FGF10: variants seen among roughly 807,000 people sequenced by gnomAD.
The protein encoded by FGF10 is FGF-10.
In FGF10, 2 loss-of-function variants were observed where a neutral mutation model predicts 19.8. The observed-to-expected ratio is 0.10, with a 90% confidence interval of 0.04 to 0.32. The LOEUF (loss-of-function observed/expected upper bound fraction) is 0.32, where lower values mean the gene tolerates loss of function less well. Ranked by LOEUF, FGF10 falls within the 10% of genes least tolerant of loss-of-function variation. The pLI is 1.00. For missense variants in FGF10, 191 were observed against 246.3 expected (o/e 0.78, Z 1.50); for synonymous variants, 112 against 94.0 (o/e 1.19, Z -1.10).
intron 1 of FGF10, among the ~76,000 whole-genome samples, chr5:44,315,220 G>T (rs893596980): frequency 3.3e-5 from 5 of 151,562 alleles, no homozygotes; most frequent in African/African-American, 7.3e-5. Context: ...TATATTAAGT[G>T]TGGTATGAGA....
chr5:44,331,992 AC>A (rs1464307785), intron 1 of FGF10, among the ~76,000 whole-genome samples: 1 of 151,940 alleles, frequency 6.6e-6, no homozygotes, highest in African/African-American at 2.4e-5. Context: ...GAAAAAAAAA[AC>A]CTACCAATTC....
Position 44,302,750 on chromosome 5 carries a change from G to T in FGF10, c.*2245C>A, listed in dbSNP as rs906377995. Among the ~76,000 whole-genome samples the T allele has an allele frequency of 6.6e-6, 1 of 151,532 alleles. No homozygotes were observed. Among genetic ancestry groups the T allele is most frequent in the Non-Finnish European group, 1.5e-5 (1 of 67,654 alleles). On this transcript the variant is annotated 3_prime_UTR_variant, in exon 3 of 3. Transcript: ENST00000264664. ...GCCTCTGCAAGCTTTAATATATTTT[G>T]CTAGAAGCTGTTTTAGTGTCTTGAG...
intron 1 of FGF10, among the ~76,000 whole-genome samples, chr5:44,383,482 C>T (rs142717336): frequency 7.2e-5 from 11 of 152,162 alleles, no homozygotes; most frequent in Non-Finnish European, 1.6e-4. Context: ...TAATAGGTTA[C>T]TGAAATATCC....
At chr5:44,367,439 T>C (rs981706022) in intron 1 of FGF10, among the ~76,000 whole-genome samples, 1 of 152,100 alleles carries the variant, frequency 6.6e-6, no homozygotes, top group African/African-American at 2.4e-5. Flanking sequence ...CTCTGTCTAA[T>C]TGAAGGATTT....
At chr5:44,357,668 C>T (rs1741379399) in intron 1 of FGF10, among the ~76,000 whole-genome samples, 1 of 151,406 alleles carries the variant, frequency 6.6e-6, no homozygotes, top group Non-Finnish European at 1.5e-5. Context: ...TGTCCTTGCT[C>T]TTAACCATTA....
intron 1 of FGF10, among the ~76,000 whole-genome samples, chr5:44,358,458 A>G (rs1741400418): frequency 6.6e-6 from 1 of 151,508 alleles, no homozygotes. Flanking sequence ...AATACATTAA[A>G]TAAAACAGAA....
At chr5:44,359,551 A>G (rs148427911) in intron 1 of FGF10, among the ~76,000 whole-genome samples, 1 of 151,538 alleles carries the variant, frequency 6.6e-6, no homozygotes, top group African/African-American at 2.4e-5. Flanking sequence ...AGTCTAATAG[A>G]CTGGGCTAAA....
At chr5:44,337,478 C>G (rs1206416574) in intron 1 of FGF10, among the ~76,000 whole-genome samples, 3 of 152,180 alleles carry the variant, frequency 2.0e-5, no homozygotes, top group Non-Finnish European at 4.4e-5. Flanking sequence ...ACCATACCAT[C>G]ATTACCTTTT....
At chr5:44,320,024 A>T (rs938825042) in intron 1 of FGF10, among the ~76,000 whole-genome samples, 3 of 152,140 alleles carry the variant, frequency 2.0e-5, no homozygotes, top group African/African-American at 4.8e-5. Flanking sequence ...CAGCAGCATT[A>T]GATTCTCATA....
At chr5:44,355,802 A>G (rs1271588907) in intron 1 of FGF10, among the ~76,000 whole-genome samples, 1 of 151,372 alleles carries the variant, frequency 6.6e-6, no homozygotes, top group Non-Finnish European at 1.5e-5. Context: ...TCAGTTTCCT[A>G]TTCTGCATCT....
rs191715602 is a variant in FGF10 at position 44,302,668 on chromosome 5, T to G, written c.*2327A>C. 1.7e-3 allele frequency among the ~76,000 whole-genome samples: 260 copies of G among 152,260 alleles called. No individual in the cohort carries two copies. The highest frequency in any genetic ancestry group is 2.8e-3 in the Non-Finnish European group (193 of 68,016). On this transcript the variant is annotated 3_prime_UTR_variant, in exon 3 of 3. Coordinates refer to ENST00000264664, the MANE Select transcript of FGF10 (RefSeq NM_004465.2). ...GTGTGAGCTACTGCACCAGGCAGGTTTTTTGTCTTTCTGTGAGGGAAATGT... is the reference window on the plus strand; with the variant it reads ...GTGTGAGCTACTGCACCAGGCAGGTGTTTTGTCTTTCTGTGAGGGAAATGT...
intron 1 of FGF10, among the ~76,000 whole-genome samples, chr5:44,351,932 G>A (rs1201329462): frequency 1.3e-5 from 2 of 151,592 alleles, no homozygotes; most frequent in Admixed American, 6.6e-5. Context: ...GATTTTCCAA[G>A]TGTGAAATTC....
intron 1 of FGF10, among the ~76,000 whole-genome samples, chr5:44,345,057 C>T (rs534438453): frequency 7.2e-5 from 11 of 151,896 alleles, no homozygotes; most frequent in African/African-American, 2.7e-4. Context: ...TATGTATATA[C>T]ACTATTTTCA....
intron 1 of FGF10, among the ~76,000 whole-genome samples, chr5:44,376,126 T>C (rs1203672259): frequency 6.6e-6 from 1 of 152,054 alleles, no homozygotes; most frequent in African/African-American, 2.4e-5. Flanking sequence ...GGTCCTATAT[T>C]TAATACAACT....
chr5:44,347,399 T>A (rs570205158), intron 1 of FGF10, among the ~76,000 whole-genome samples: 1 of 151,720 alleles, frequency 6.6e-6, no homozygotes, highest in Non-Finnish European at 1.5e-5. Context: ...ATATGGTAAC[T>A]TTTGCCTAGT....
At chr5:44,373,609 T>G (rs749670820) in intron 1 of FGF10, among the ~76,000 whole-genome samples, 22 of 152,066 alleles carry the variant, frequency 1.4e-4, no homozygotes, top group Non-Finnish European at 2.8e-4. Context: ...AGGATTGCCT[T>G]TCTTCTAGTT....
intron 1 of FGF10, among the ~76,000 whole-genome samples, chr5:44,316,527 C>T (rs1579899042): frequency 6.6e-6 from 1 of 152,120 alleles, no homozygotes; most frequent in Non-Finnish European, 1.5e-5. Context: ...TGGCATATTT[C>T]CAAACAGTGC....
chr5:44,373,259 C>T (rs1344370080), intron 1 of FGF10, among the ~76,000 whole-genome samples: 1 of 152,166 alleles, frequency 6.6e-6, no homozygotes, highest in African/African-American at 2.4e-5. Context: ...TCACATGTTT[C>T]ATTTCTTCAG....
intron 1 of FGF10, among the ~76,000 whole-genome samples, chr5:44,353,861 G>A (rs1027540936): frequency 5.3e-5 from 8 of 151,360 alleles, no homozygotes; most frequent in Admixed American, 2.0e-4. Flanking sequence ...GAGTAGTTCC[G>A]GTTTATCCAG....
Sources: allele counts gnomAD v4.1 joint callset (sites outside exome capture counted in the v4.1 genomes callset), GRCh38; gene constraint gnomAD v4.1.1; transcripts MANE v1.5; gene names NCBI Gene and HGNC (gene_info 2026-07-23, HGNC 2026-07-21).